Variants in BEAN1 observed in about 807,000 individuals in gnomAD.
BEAN1 encodes the protein brain expressed associated with NEDD4 1, also known as protein BEAN1.
A neutral mutation model predicts 17.7 loss-of-function variants in BEAN1; 17 were observed. That is an observed-to-expected ratio of 0.96 (90% confidence interval 0.66 to 1.44). The LOEUF is 1.44. Ranked by LOEUF, BEAN1 falls within the 40% of genes most tolerant of loss-of-function variation. BEAN1 has a pLI of 0.00. For missense variants in BEAN1, 359 were observed against 374.1 expected, an observed-to-expected ratio of 0.96 and a Z score of 0.33; for synonymous variants, 142 against 151.8, an observed-to-expected ratio of 0.94 and a Z score of 0.47.
Position 66,481,194 on chromosome 16 carries a change from C to A in BEAN1, c.*269C>A, listed in dbSNP as rs1003088381. ...AAGGTTTCACGGAACGTGGAGCTCT[C>A]CTGGCCTCCCGTCCCTCCTCCCGGC... is the stretch of plus-strand genomic sequence containing the variant. On this transcript the variant is annotated 3_prime_UTR_variant, in exon 5 of 5. Coordinates refer to ENST00000536005, the MANE Select transcript of BEAN1 (RefSeq NM_001178020.3). The surrounding 1 kb of genome is among the most constrained non-coding windows in gnomAD (Gnocchi z 4.1). The A allele has an allele frequency of 2.9e-5, 12 of 412,174 alleles. No individual in the cohort carries two copies. Among genetic ancestry groups the A allele is most frequent in the African/African-American group, 2.5e-4 (12 of 48,848 alleles). The allele number at this position is 412,174 out of a possible 1,614,324, so 25.5% of individuals were successfully genotyped here.
At chr16:66,452,700 A>G (rs1464319364) in intron 2 of BEAN1, among the ~76,000 whole-genome samples, 1 of 152,148 alleles carries the variant, frequency 6.6e-6, no homozygotes, top group Non-Finnish European at 1.5e-5. Flanking sequence ...GACATTCCAG[A>G]GTGTAGAGAA....
At chr16:66,480,496 G>T in intron 4 of BEAN1, 90 bp from the exon 5 acceptor site, 1 of 1,073,894 alleles carries the variant, frequency 9.3e-7, no homozygotes, top group Non-Finnish European at 1.3e-6. Context: ...AGCCAGGACA[G>T]CTTGTCACTG....
Position 66,480,676 on chromosome 16 carries a change from G to A in BEAN1, c.531G>A (p.Thr177=), listed in dbSNP as rs751848971. Residue 177 remains threonine (T), a synonymous_variant, in exon 5 of 5, where the codon ACG becomes ACA. Coordinates refer to ENST00000536005, the MANE Select transcript of BEAN1 (RefSeq NM_001178020.3). ...PPYSLTDSCP[T]LDGTSDSGSG... is the part of the protein sequence containing the mutation. ...ACTCGCTGACTGATTCCTGCCCCAC[G>A]CTGGATGGCACCTCCGACTCAGGCA... 86 of 1,551,526 alleles carry A rather than the reference G, an allele frequency of 5.5e-5. No homozygotes were observed. The highest frequency in any genetic ancestry group is 6.9e-5 in the Non-Finnish European group (79 of 1,146,964).
chr16:66,481,407 G>A lies in BEAN1; in HGVS notation c.*482G>A, dbSNP rs1395127080. On this transcript the variant is annotated 3_prime_UTR_variant, in exon 5 of 5. Transcript: ENST00000536005. This position sits in a 1 kb window ranked among gnomAD's most constrained non-coding sequence, Gnocchi z 4.1. ...CTGCCTGCCCTGACCCCTACCCCAG[G>A]GCCAGCTTGTCCTCCTGGGAGGCGG... is the stretch of plus-strand genomic sequence containing the variant. The A allele has an allele frequency of 5.0e-6, 2 of 396,764 alleles. No individual in the cohort carries two copies. The highest frequency in any genetic ancestry group is 8.9e-6 in the Non-Finnish European group (2 of 225,516). 24.6% of individuals were successfully genotyped at this position (396,764 alleles called of 1,614,324 possible). A position where few individuals can be genotyped will look rare whatever the true frequency, so the allele number is the denominator to read the frequency against.
At chr16:66,474,446 G>A (rs1208954223) in intron 3 of BEAN1, among the ~76,000 whole-genome samples, 1 of 150,500 alleles carries the variant, frequency 6.6e-6, no homozygotes, top group Non-Finnish European at 1.5e-5. Flanking sequence ...GACAGAGTTG[G>A]CCCTCTGCCT....
intron 2 of BEAN1, among the ~76,000 whole-genome samples, chr16:66,443,748 C>T (rs765159564): frequency 2.0e-5 from 3 of 152,136 alleles, no homozygotes; most frequent in Non-Finnish European, 2.9e-5. Flanking sequence ...AATCTCAGCT[C>T]ACTGCAACCT....
chr16:66,431,493 C>G (rs1021845801), intron 1 of BEAN1, among the ~76,000 whole-genome samples: 13 of 152,222 alleles, frequency 8.5e-5, no homozygotes, highest in African/African-American at 2.7e-4. Context: ...TAAAAATCCT[C>G]CTTAATCCCA....
Position 66,475,155 on chromosome 16 carries a change from C to T in BEAN1, c.290-2405C>T, listed in dbSNP as rs1007682374. On this transcript the variant is annotated intron_variant, in intron 3 of 4. Transcript: ENST00000536005. The stretch of plus-strand genomic sequence containing the variant: ...AGTCCTGGACTATTTGGATCTGTGC[C>T]GACAGGGAAGTCAGGAGAGAAGGGA... Among the ~76,000 whole-genome samples the T allele has an allele frequency of 3.9e-5, 6 of 152,192 alleles. No individual in the cohort carries two copies. The South Asian group carries it at 6.2e-4, about 16-fold the overall frequency.
intron 2 of BEAN1, among the ~76,000 whole-genome samples, chr16:66,450,168 CTTAT>C (rs987068892): frequency 1.6e-4 from 24 of 152,264 alleles, no homozygotes; most frequent in African/African-American, 5.5e-4. Flanking sequence ...TGCAGTGGGG[CTTAT>C]TTTTCACTGT....
At chr16:66,475,492 G>C (rs1963700754) in intron 3 of BEAN1, 3 of 152,276 alleles carry the variant, frequency 2.0e-5, no homozygotes, top group African/African-American at 7.2e-5. Flanking sequence ...CTGCCCTGCA[G>C]GTGGAACCCT....
chr16:66,448,650 C>T (rs1962547130), intron 2 of BEAN1, among the ~76,000 whole-genome samples: 1 of 151,940 alleles, frequency 6.6e-6, no homozygotes, highest in South Asian at 2.1e-4. Flanking sequence ...GGCAAAACCT[C>T]GTCTCTACTA....
rs535920093 is a variant in BEAN1, at chr16:66,473,696, C to CTAAATAAA, written c.290-3844_290-3837dup. On this transcript the variant is annotated intron_variant, in intron 3 of 4. Coordinates refer to ENST00000536005, the MANE Select transcript of BEAN1 (RefSeq NM_001178020.3). The surrounding 1 kb of genome is among the most constrained non-coding windows in gnomAD (Gnocchi z 4.5). ...TGAGCAACAGAGCAAGACCCTGTCT[C>CTAAATAAA]TAAATAAATAAATAAATAAATAAAT... 5.9e-5 allele frequency among the ~76,000 whole-genome samples: 9 copies of CTAAATAAA among 151,314 alleles called. No homozygotes were observed. The highest frequency in any genetic ancestry group is 2.6e-4 in the Admixed American group (4 of 15,164).
chr16:66,482,721 T>G lies in BEAN1; in HGVS notation c.*1796T>G, dbSNP rs916387904. On this transcript the variant is annotated 3_prime_UTR_variant, in exon 5 of 5. Coordinates refer to ENST00000536005, the MANE Select transcript of BEAN1 (RefSeq NM_001178020.3). The stretch of plus-strand genomic sequence containing the variant: ...CTCATCAGTGTTTGAAAGATGGAGC[T>G]GAATAGCTTTTCTTGTTCCTGGACT... The G allele has an allele frequency of 7.9e-6, 3 of 378,356 alleles. No individual in the cohort carries two copies. The highest frequency in any genetic ancestry group is 4.2e-5 in the African/African-American group (2 of 47,266). 23.4% of individuals were successfully genotyped at this position (378,356 alleles called of 1,614,324 possible).
intron 2 of BEAN1, among the ~76,000 whole-genome samples, chr16:66,450,261 A>G (rs758301655): frequency 2.0e-5 from 3 of 152,230 alleles, no homozygotes; most frequent in Non-Finnish European, 4.4e-5. Context: ...AAACACATGC[A>G]GGAGAACATA....
rs1030179985 is a variant in BEAN1, at chr16:66,437,617, C to G, written c.-60C>G. 5 of 1,513,412 alleles carry G rather than the reference C, an allele frequency of 3.3e-6. No homozygotes were observed. The East Asian group carries it at 1.2e-4, about 37-fold the overall frequency. 93.7% of individuals were successfully genotyped at this position (1,513,412 alleles called of 1,614,324 possible). A position where few individuals can be genotyped will look rare whatever the true frequency, so the allele number is the denominator to read the frequency against. On this transcript the variant is annotated 5_prime_UTR_variant, in exon 2 of 5. Transcript: ENST00000536005. ...CAGGTGAGTGGAGGGGCCTTCCCTG[C>G]GAGAAGTCAGAGCTGTGCCCGTGGG...
intron 2 of BEAN1, among the ~76,000 whole-genome samples, chr16:66,439,460 G>A (rs533997930): frequency 1.3e-5 from 2 of 152,318 alleles, no homozygotes; most frequent in East Asian, 1.9e-4. Context: ...AGAAGCCTGG[G>A]AAAAGTCAAG....
chr16:66,453,538 T>G (rs767483174), intron 2 of BEAN1, among the ~76,000 whole-genome samples: 3 of 152,090 alleles, frequency 2.0e-5, no homozygotes, highest in Non-Finnish European at 2.9e-5. Context: ...TTTTATTATT[T>G]TTTTGTATAT....
At chr16:66,452,371 C>G (rs1962703183) in intron 2 of BEAN1, among the ~76,000 whole-genome samples, 1 of 152,180 alleles carries the variant, frequency 6.6e-6, no homozygotes, top group South Asian at 2.1e-4. Context: ...GAAGGAATCT[C>G]TGAGGATCAG....
intron 2 of BEAN1, among the ~76,000 whole-genome samples, chr16:66,466,309 C>A (rs564183372): frequency 8.5e-5 from 13 of 152,236 alleles, no homozygotes; most frequent in South Asian, 2.1e-4. Context: ...ACAACAACAA[C>A]AAAAAACACA....
Sources: allele counts gnomAD v4.1 joint callset (sites outside exome capture counted in the v4.1 genomes callset), GRCh38; gene constraint gnomAD v4.1.1; non-coding constraint Gnocchi (gnomAD v3.1); transcripts MANE v1.5; gene names NCBI Gene and HGNC (gene_info 2026-07-23, HGNC 2026-07-21).